USP25: variants seen among roughly 807,000 people sequenced by gnomAD.
USP25 encodes ubiquitin specific peptidase 25, also known as ubiquitin carboxyl-terminal hydrolase 25.
Under a neutral mutation model 158.5 loss-of-function variants are expected in USP25, and 85 were observed. That is an observed-to-expected ratio of 0.54 (90% CI 0.45 to 0.64). USP25 has a LOEUF of 0.64. Ranked by LOEUF, USP25 falls within the 30% of genes least tolerant of loss-of-function variation. The pLI is 0.00. For synonymous variants in USP25, 464 were observed against 460.4 expected (o/e 1.01, Z -0.10); for missense variants, 1,242 against 1,327.3 (o/e 0.94, Z 1.00).
intron 1 of USP25, among the ~76,000 whole-genome samples, chr21:15,731,822 T>G (rs2030939654): frequency 6.6e-6 from 1 of 152,204 alleles, no homozygotes; most frequent in African/African-American, 2.4e-5. Flanking sequence ...AGTTCAATTT[T>G]TAAAGACTTA....
At chr21:15,753,858 A>C (rs2033196101) in intron 1 of USP25, among the ~76,000 whole-genome samples, 1 of 152,024 alleles carries the variant, frequency 6.6e-6, no homozygotes. Flanking sequence ...GAAGGGTCAC[A>C]TGATTGAAGC....
At chr21:15,856,682 A>G (rs934224572) in intron 20 of USP25, among the ~76,000 whole-genome samples, 5 of 152,184 alleles carry the variant, frequency 3.3e-5, no homozygotes, top group African/African-American at 7.2e-5. Flanking sequence ...CGTGTTAGCC[A>G]GGATGGTCTC....
intron 4 of USP25, 109 bp from the exon 5 acceptor site, chr21:15,791,393 T>G (rs2035583243): frequency 8.4e-7 from 1 of 1,188,022 alleles, no homozygotes; most frequent in South Asian, 2.4e-5. Flanking sequence ...TATTATTTCT[T>G]CAAATACATT....
chr21:15,776,777 T>C (rs1052531412), intron 3 of USP25, among the ~76,000 whole-genome samples: 2 of 152,134 alleles, frequency 1.3e-5, no homozygotes, highest in African/African-American at 4.8e-5. Context: ...GAGTTTGAGA[T>C]TGCAGTGAGC....
chr21:15,872,627 CTAA>C (rs1479920721), intron 23 of USP25, among the ~76,000 whole-genome samples: 1 of 152,044 alleles, frequency 6.6e-6, no homozygotes, highest in African/African-American at 2.4e-5. Flanking sequence ...GTTTATTAAC[CTAA>C]TATCATTTCA....
chr21:15,745,971 A>G (rs1255460893), intron 1 of USP25, among the ~76,000 whole-genome samples: 2 of 152,208 alleles, frequency 1.3e-5, no homozygotes, highest in Non-Finnish European at 2.9e-5. Flanking sequence ...CTGTCCTTTC[A>G]TCATTGAATT....
Position 15,877,840 on chromosome 21 carries a change from T to C in USP25, c.3054T>C (p.Asp1018=). 1 of 1,613,076 alleles carries C rather than the reference T, an allele frequency of 6.2e-7. No homozygotes were observed. The highest frequency in any genetic ancestry group is 8.5e-7 in the Non-Finnish European group (1 of 1,179,484). ...QAAELFESGE[D]REVNNGLIIM... is the part of the protein sequence containing the mutation. The stretch of plus-strand genomic sequence containing the variant: ...CAGAACTCTTCGAATCTGGAGAGGA[T>C]CGAGAAGTAAACAATGGTTTGATTA... Residue 1018 remains aspartate (D), a synonymous_variant, in exon 25 of 26, where the codon GAT becomes GAC. Transcript: ENST00000400183.
At chr21:15,850,025 G>A (rs2038811891) in intron 20 of USP25, among the ~76,000 whole-genome samples, 153 bp downstream of exon 20, 6 of 151,664 alleles carry the variant, frequency 4.0e-5, no homozygotes, top group Admixed American at 3.9e-4. Context: ...TTTATTTTAT[G>A]TATTAATTAA....
chr21:15,733,861 A>C (rs1387810590), intron 1 of USP25, among the ~76,000 whole-genome samples: 1 of 152,088 alleles, frequency 6.6e-6, no homozygotes, highest in African/African-American at 2.4e-5. Flanking sequence ...AAAAACCAAA[A>C]CAAAACAATG....
In USP25 at chr21:15,763,039, T is replaced by C. The variant is rs78091798; in HGVS notation, c.123+71T>C. 2.2e-3 allele frequency: 3,019 copies of C among 1,396,914 alleles called. 61 individuals carry two copies. The African/African-American group carries it at 0.041, about 19-fold the overall frequency. 86.5% of individuals were successfully genotyped at this position (1,396,914 alleles called of 1,614,324 possible). On this transcript the variant is annotated intron_variant, in intron 2 of 25. Coordinates refer to ENST00000400183, the MANE Select transcript of USP25 (RefSeq NM_001283041.3). Reference sequence around the variant, plus strand: ...CTCTAGTGCGTATTATATTTGATAGTTGATTTTTTTTTTGGGGTATACCAT... The same window carrying C: ...CTCTAGTGCGTATTATATTTGATAGCTGATTTTTTTTTTGGGGTATACCAT...
At chr21:15,762,205 C>A (rs1228485502) in intron 1 of USP25, among the ~76,000 whole-genome samples, 1 of 139,958 alleles carries the variant, frequency 7.1e-6, no homozygotes, top group African/African-American at 3.0e-5. Context: ...TTTTTTATTT[C>A]ATGGTACTGT....
Position 15,878,609 on chromosome 21 carries a change from G to T in USP25, c.*134G>T. On this transcript the variant is annotated 3_prime_UTR_variant, in exon 26 of 26. Coordinates refer to ENST00000400183, the MANE Select transcript of USP25 (RefSeq NM_001283041.3). Reference sequence around the variant, plus strand: ...TTTTAATAACTGCAAAAGACAAAATGACTATACAGACTTTAGTCAGACTGC... The same window carrying T: ...TTTTAATAACTGCAAAAGACAAAATTACTATACAGACTTTAGTCAGACTGC... The T allele has an allele frequency of 2.2e-6, 2 of 923,004 alleles. No homozygotes were observed. Among genetic ancestry groups the T allele is most frequent in the Admixed American group, 3.6e-5 (1 of 28,166 alleles). The allele number at this position is 923,004 out of a possible 1,614,324, so 57.2% of individuals were successfully genotyped here.
chr21:15,735,652 G>T lies in USP25; in HGVS notation c.45+5214G>T, dbSNP rs143908741. On this transcript the variant is annotated intron_variant, in intron 1 of 25. Transcript: ENST00000400183. ...ATTAGAAGGCTTTCTGTGTTTTCCT[G>T]TGCTTTTGGAATTGTTTAGTGTAGG... Among the ~76,000 whole-genome samples, 1,388 of 152,208 alleles carry T rather than the reference G, an allele frequency of 9.1e-3. 13 individuals carry two copies. Among genetic ancestry groups the T allele is most frequent in the Non-Finnish European group, 0.016 (1,065 of 68,000 alleles).
rs1422071942 is a variant in USP25 at position 15,805,188 on chromosome 21, G to A, written c.710G>A (p.Arg237Lys). 1 of 1,609,346 alleles carries A rather than the reference G, an allele frequency of 6.2e-7. No individual in the cohort carries two copies. The highest frequency in any genetic ancestry group is 8.5e-7 in the Non-Finnish European group (1 of 1,178,136). ...YLFALLVGTK[R>K]KYVDPSRAVE... ...TTTGCACTTCTTGTTGGTACCAAAAGGAAGTATGTTGATCCATCAAGAGCA... is the reference window on the plus strand; with the variant it reads ...TTTGCACTTCTTGTTGGTACCAAAAAGAAGTATGTTGATCCATCAAGAGCA... The change falls in exon 7 of 26, where the codon AGG becomes AAG. Residue 237 changes from arginine (R) to lysine (K), a missense_variant. Physicochemically the swap from Arg to Lys is conservative, Grantham distance 26. Coordinates refer to ENST00000400183, the MANE Select transcript of USP25 (RefSeq NM_001283041.3).
intron 9 of USP25, among the ~76,000 whole-genome samples, chr21:15,814,056 G>C (rs560526141): frequency 6.6e-6 from 1 of 151,002 alleles, no homozygotes; most frequent in East Asian, 2.0e-4. Flanking sequence ...AGTCTCCTGA[G>C]ACTTATCATT....
intron 1 of USP25, among the ~76,000 whole-genome samples, chr21:15,732,230 C>T (rs2030984279): frequency 6.6e-6 from 1 of 152,042 alleles, no homozygotes; most frequent in South Asian, 2.1e-4. Context: ...TTTAGTATGG[C>T]TGTGTTTTAG....
chr21:15,874,272 A>C (rs1031212765), intron 23 of USP25, 131 bp from the exon 24 acceptor site: 1 of 797,728 alleles, frequency 1.3e-6, no homozygotes, highest in Non-Finnish European at 1.8e-6. Context: ...ACACTGCGTC[A>C]GATGATATTT....
rs2034030389 is a variant in USP25, at chr21:15,766,202, GTAA to G, written c.268+64_268+66del. On this transcript the variant is annotated intron_variant, in intron 3 of 25. Transcript: ENST00000400183. This position sits in a 1 kb window ranked among gnomAD's most constrained non-coding sequence, Gnocchi z 4.0. ...AACATACTGAAAAACTTTTCTTGGT[GTAA>G]TATATTAATGTTGCTTAAGGAGAGG... The G allele has an allele frequency of 6.7e-7, 1 of 1,493,072 alleles. No homozygotes were observed. Among genetic ancestry groups the G allele is most frequent in the African/African-American group, 1.4e-5 (1 of 70,164 alleles). The allele number at this position is 1,493,072 out of a possible 1,614,324, so 92.5% of individuals were successfully genotyped here. A position where few individuals can be genotyped will look rare whatever the true frequency, so the allele number is the denominator to read the frequency against.
intron 1 of USP25, among the ~76,000 whole-genome samples, chr21:15,732,629 CTG>C (rs911090362): frequency 1.6e-4 from 24 of 152,306 alleles, no homozygotes; most frequent in Middle Eastern, 3.4e-3. Flanking sequence ...CCTTAAAAAA[CTG>C]TGTGTACATA....
Sources: gnomAD v4.1 joint callset for allele counts (sites outside exome capture counted in the v4.1 genomes callset) on GRCh38, gnomAD v4.1.1 for gene constraint, Gnocchi (gnomAD v3.1) non-coding constraint, MANE v1.5 for transcripts, NCBI Gene and HGNC (gene_info 2026-07-23, HGNC 2026-07-21) for gene names.